The following NCAM1 variants were observed in gnomAD, a reference collection of about 807,000 sequenced individuals.
NCAM1 encodes antigen recognized by monoclonal antibody 5.1H11.
NCAM1 carries 14 observed loss-of-function variants against 109.8 expected under a neutral mutation model. The ratio of observed to expected loss-of-function variants is 0.13; its 90% CI spans 0.08 to 0.20. The LOEUF (loss-of-function observed/expected upper bound fraction) is 0.20. NCAM1 is among the 10% of genes least tolerant of loss of function. The pLI is 1.00. For missense variants in NCAM1, 774 were observed against 1,109.9 expected (o/e 0.70, Z 4.30); for synonymous variants, 418 against 442.9 (o/e 0.94, Z 0.70).
chr11:113,003,150 A>C (rs185016422), intron 1 of NCAM1, among the ~76,000 whole-genome samples: 277 of 152,158 alleles, frequency 1.8e-3, no homozygotes, highest in South Asian at 8.3e-3. Flanking sequence ...AGGGCATCAC[A>C]CTCCCTGTTA....
At chr11:113,095,142 G>A (rs188007894) in intron 1 of NCAM1, among the ~76,000 whole-genome samples, 4 of 152,196 alleles carry the variant, frequency 2.6e-5, no homozygotes, top group Non-Finnish European at 4.4e-5. Context: ...CAATAATTTT[G>A]TAAAGAGAAT....
intron 1 of NCAM1, among the ~76,000 whole-genome samples, chr11:113,060,421 C>T (rs1953875147): frequency 6.6e-6 from 1 of 152,198 alleles, no homozygotes; most frequent in Admixed American, 6.5e-5. Flanking sequence ...TTAATCAACA[C>T]CTCTCCATTT....
In NCAM1 at chr11:113,009,316, T is replaced by TTTTGTTG. The variant is rs1320684872; in HGVS notation, c.52+47655_52+47656insGTTGTTT. ...TAATTGGAAGGGTTTTTTCGGGTTT[T>TTTTGTTG]TTTTTTTTTTTTTTTTTTTTTTTTT... On this transcript the variant is annotated intron_variant, in intron 1 of 19. Transcript: ENST00000316851. Among the ~76,000 whole-genome samples, 72 of 99,230 alleles carry TTTTGTTG rather than the reference T, an allele frequency of 7.3e-4. 1 individual carries two copies. The highest frequency in any genetic ancestry group is 8.5e-4 in the Non-Finnish European group (42 of 49,386). 65.1% of individuals were successfully genotyped at this position (99,230 alleles called of 152,430 possible).
intron 1 of NCAM1, among the ~76,000 whole-genome samples, chr11:113,092,206 A>G (rs1555089478): frequency 6.6e-6 from 1 of 152,120 alleles, no homozygotes; most frequent in Non-Finnish European, 1.5e-5. Flanking sequence ...ATTTAATTCA[A>G]TTAAACTTCA....
At chr11:113,178,107 C>A (rs999314952) in intron 1 of NCAM1, among the ~76,000 whole-genome samples, 1 of 152,162 alleles carries the variant, frequency 6.6e-6, no homozygotes, top group Non-Finnish European at 1.5e-5. Flanking sequence ...GAAATAAATG[C>A]AAATACGGTC....
intron 1 of NCAM1, among the ~76,000 whole-genome samples, chr11:113,185,079 T>TATATATATATAG: frequency 1.3e-4 from 16 of 125,738 alleles, no homozygotes; most frequent in East Asian, 8.6e-4. Context: ...TATATATATA[T>TATATATATATAG]AGAGAGAGAG....
At chr11:113,171,851 C>A (rs1381228302) in intron 1 of NCAM1, among the ~76,000 whole-genome samples, 2 of 152,106 alleles carry the variant, frequency 1.3e-5, no homozygotes, top group African/African-American at 4.8e-5. Context: ...TACTTGGTAA[C>A]AGGGTCATTG....
At chr11:113,012,590 T>C (rs936039575) in intron 1 of NCAM1, among the ~76,000 whole-genome samples, 4 of 152,212 alleles carry the variant, frequency 2.6e-5, no homozygotes, top group Non-Finnish European at 4.4e-5. Flanking sequence ...GAAGTATTTC[T>C]TCGCCTCTTC....
intron 1 of NCAM1, among the ~76,000 whole-genome samples, chr11:113,077,198 G>C (rs1242294099): frequency 1.3e-5 from 2 of 152,166 alleles, no homozygotes; most frequent in Non-Finnish European, 2.9e-5. Flanking sequence ...CATGATTAGT[G>C]CTATTATAAA....
chr11:112,994,578 G>A (rs1951542520), intron 1 of NCAM1, among the ~76,000 whole-genome samples: 1 of 152,220 alleles, frequency 6.6e-6, no homozygotes, highest in African/African-American at 2.4e-5. Context: ...TTAGCCCACA[G>A]TGATGGGACA....
At chr11:113,253,003 A>G (rs1945732027) in intron 15 of NCAM1, among the ~76,000 whole-genome samples, 2 of 151,768 alleles carry the variant, frequency 1.3e-5, no homozygotes, top group African/African-American at 4.8e-5. Flanking sequence ...AATAATACAC[A>G]CATATCAGAG....
At chr11:113,018,482 C>T (rs1054807937) in intron 1 of NCAM1, among the ~76,000 whole-genome samples, 1 of 152,090 alleles carries the variant, frequency 6.6e-6, no homozygotes. Context: ...TGTGTGCGTT[C>T]CCCATAGAGC....
intron 1 of NCAM1, among the ~76,000 whole-genome samples, chr11:112,990,015 G>T (rs748472425): frequency 4.5e-4 from 69 of 152,126 alleles, no homozygotes; most frequent in Non-Finnish European, 8.5e-4. Context: ...GGTTGGAGCT[G>T]GGTCATGTGG....
chr11:113,132,603 CATGTGTGT>C (rs1431249208), intron 1 of NCAM1, among the ~76,000 whole-genome samples: 1 of 108,664 alleles, frequency 9.2e-6, no homozygotes, highest in African/African-American at 4.1e-5. Flanking sequence ...TATTAGGAAG[CATGTGTGT>C]GTGTGTGTGT....
At chr11:113,066,305 G>A (rs1937954811) in intron 1 of NCAM1, among the ~76,000 whole-genome samples, 1 of 152,104 alleles carries the variant, frequency 6.6e-6, no homozygotes, top group Admixed American at 6.5e-5. Flanking sequence ...TTTATGTACA[G>A]AAATATATTT....
At chr11:113,004,456 C>A (rs1951841476) in intron 1 of NCAM1, among the ~76,000 whole-genome samples, 1 of 151,822 alleles carries the variant, frequency 6.6e-6, no homozygotes, top group Non-Finnish European at 1.5e-5. Context: ...CGTGCCACTG[C>A]ATTCCAGACT....
chr11:113,175,168 T>A (rs1440555049), intron 1 of NCAM1, among the ~76,000 whole-genome samples: 1 of 152,198 alleles, frequency 6.6e-6, no homozygotes, highest in Non-Finnish European at 1.5e-5. Context: ...ATTTTACAGT[T>A]GTTGTCAAAA....
At chr11:113,188,653 T>C (rs1555109299) in intron 1 of NCAM1, among the ~76,000 whole-genome samples, 6 of 152,318 alleles carry the variant, frequency 3.9e-5, no homozygotes, top group Admixed American at 1.3e-4. Flanking sequence ...TGAGGTTGAT[T>C]CTATTTTTAA....
At chr11:113,098,113 C>T (rs1256988775) in intron 1 of NCAM1, among the ~76,000 whole-genome samples, 1 of 152,138 alleles carries the variant, frequency 6.6e-6, no homozygotes, top group East Asian at 1.9e-4. Context: ...ACTAAGTGAT[C>T]TAAGTGCCAG....
Sources: allele counts gnomAD v4.1 joint callset (sites outside exome capture counted in the v4.1 genomes callset), GRCh38; gene constraint gnomAD v4.1.1; transcripts MANE v1.5; gene names NCBI Gene and HGNC (gene_info 2026-07-23, HGNC 2026-07-21).